The following RAB11A variants were observed in gnomAD, a reference collection of about 807,000 sequenced individuals.
RAB11A encodes RAB11A, member RAS oncogene family.
RAB11A carries 9 observed loss-of-function variants against 28.0 expected under a neutral mutation model. That is an observed-to-expected ratio of 0.32 (90% CI 0.19 to 0.56). The LOEUF (loss-of-function observed/expected upper bound fraction) is 0.56, where lower values mean the gene tolerates loss of function less well. RAB11A is among the 20% of genes least tolerant of loss of function. The probability of loss-of-function intolerance (pLI) is 0.91; values close to 1 mark genes in which losing one functional copy is unlikely to be tolerated. For synonymous variants in RAB11A, 85 were observed against 88.2 expected (o/e 0.96, Z 0.20); for missense variants, 108 against 269.6 (o/e 0.40, Z 4.20).
Position 65,888,717 on chromosome 15 carries a change from C to G in RAB11A, c.*877C>G, listed in dbSNP as rs1281510411. 1 of 152,574 alleles carries G rather than the reference C, an allele frequency of 6.6e-6. No individual in the cohort carries two copies. The highest frequency in any genetic ancestry group is 6.5e-5 in the Admixed American group (1 of 15,282). The allele number at this position is 152,574 out of a possible 1,614,324, so 9.5% of individuals were successfully genotyped here. ...TCAAATTTTGAAGTGTTAATTTTGT[C>G]TTAGAACCTTCCAGTAAGTGAAATA... is the stretch of plus-strand genomic sequence containing the variant. On this transcript the variant is annotated 3_prime_UTR_variant, in exon 5 of 5. Coordinates refer to ENST00000261890, the MANE Select transcript of RAB11A (RefSeq NM_004663.5).
intron 4 of RAB11A, among the ~76,000 whole-genome samples, chr15:65,881,509 C>G (rs1456554995): frequency 1.3e-5 from 2 of 152,142 alleles, no homozygotes. Context: ...TTTAGACAGT[C>G]CTCATTGTTG....
At chr15:65,872,968 A>G (rs1317785854) in intron 1 of RAB11A, among the ~76,000 whole-genome samples, 3 of 152,162 alleles carry the variant, frequency 2.0e-5, no homozygotes, top group South Asian at 2.1e-4. Context: ...AGTTGAGGGA[A>G]TTGGAGTTAG....
intron 4 of RAB11A, among the ~76,000 whole-genome samples, chr15:65,884,060 A>G (rs189748925): frequency 1.3e-3 from 195 of 152,162 alleles, no homozygotes; most frequent in African/African-American, 4.5e-3. Context: ...GCTAAAATTT[A>G]TGTCTGAGAA....
In RAB11A at chr15:65,869,570, G is replaced by A. The variant is rs377484409; in HGVS notation, c.-16G>A. 5 of 1,609,846 alleles carry A rather than the reference G, an allele frequency of 3.1e-6. No individual in the cohort carries two copies. Among genetic ancestry groups the A allele is most frequent in the African/African-American group, 1.3e-5 (1 of 74,906 alleles). On this transcript the variant is annotated 5_prime_UTR_variant, in exon 1 of 5. Transcript: ENST00000261890. ...ATACCACTGCTGCTCCCGCCCTTTC[G>A]CTCCTCGGCCGCGCAATGGGCACCC...
In RAB11A at chr15:65,888,616, A is replaced by C. The variant is rs376968677; in HGVS notation, c.*776A>C. ...TCAGGCAGCCCAAAAGATTTAAATG[A>C]TCTATAATAATTTCCAAGCGGTAGA... On this transcript the variant is annotated 3_prime_UTR_variant, in exon 5 of 5. Coordinates refer to ENST00000261890, the MANE Select transcript of RAB11A (RefSeq NM_004663.5). 3.3e-5 allele frequency: 5 copies of C among 152,374 alleles called. No homozygotes were observed. In the East Asian group the frequency reaches 9.6e-4, roughly 29 times the overall value. The allele number at this position is 152,374 out of a possible 1,614,324, so 9.4% of individuals were successfully genotyped here.
At chr15:65,874,937 A>G (rs546536566) in intron 1 of RAB11A, among the ~76,000 whole-genome samples, 2 of 152,274 alleles carry the variant, frequency 1.3e-5, no homozygotes, top group South Asian at 2.1e-4. Flanking sequence ...AGTTCCAGCT[A>G]CTAGGGAGGC....
At chr15:65,885,708 T>C (rs1160716134) in intron 4 of RAB11A, among the ~76,000 whole-genome samples, 2 of 152,248 alleles carry the variant, frequency 1.3e-5, no homozygotes, top group East Asian at 3.8e-4. Flanking sequence ...GTAGGAGATC[T>C]AAATAGAAAC....
chr15:65,869,577 G>C lies in RAB11A; in HGVS notation c.-9G>C. 6.2e-7 allele frequency: 1 copy of C among 1,610,668 alleles called. No individual in the cohort carries two copies. Among genetic ancestry groups the C allele is most frequent in the South Asian group, 1.1e-5 (1 of 91,060 alleles). ...TGCTGCTCCCGCCCTTTCGCTCCTCGGCCGCGCAATGGGCACCCGCGACGA... is the reference window on the plus strand; with the variant it reads ...TGCTGCTCCCGCCCTTTCGCTCCTCCGCCGCGCAATGGGCACCCGCGACGA... On this transcript the variant is annotated 5_prime_UTR_variant, in exon 1 of 5. Transcript: ENST00000261890.
At chr15:65,873,903 A>G (rs1260374754) in intron 1 of RAB11A, among the ~76,000 whole-genome samples, 2 of 152,082 alleles carry the variant, frequency 1.3e-5, no homozygotes, top group African/African-American at 2.4e-5. Flanking sequence ...AACGCATTGT[A>G]TATTAAAAAC....
intron 1 of RAB11A, among the ~76,000 whole-genome samples, chr15:65,872,101 G>A (rs1043210785): frequency 2.6e-5 from 4 of 151,426 alleles, no homozygotes; most frequent in African/African-American, 9.7e-5. Context: ...CTACAGGAGC[G>A]CGCCACCACG....
intron 3 of RAB11A, among the ~76,000 whole-genome samples, chr15:65,878,706 A>G (rs951038530): frequency 3.3e-5 from 5 of 152,222 alleles, no homozygotes; most frequent in Admixed American, 2.0e-4. Context: ...AAACAAAAAA[A>G]GAGAGAAAGT....
At chr15:65,876,476 T>C (rs942634784) in intron 1 of RAB11A, among the ~76,000 whole-genome samples, 3 of 152,054 alleles carry the variant, frequency 2.0e-5, no homozygotes, top group Non-Finnish European at 4.4e-5. Flanking sequence ...TTTGTATTTT[T>C]ATAGAGATGG....
At chr15:65,881,877 TA>T (rs57352123) in intron 4 of RAB11A, among the ~76,000 whole-genome samples, 13,436 of 86,378 alleles carry the variant, frequency 0.16, 1,188 homozygotes, top group East Asian at 0.55. Context: ...ACCCTGTCTC[TA>T]AAAAAAAAAA....
rs532244772 is a variant in RAB11A at position 65,881,901 on chromosome 15, A to C, written c.511+2150A>C. 1.1e-4 allele frequency among the ~76,000 whole-genome samples: 15 copies of C among 138,722 alleles called. No homozygotes were observed. In the South Asian group the frequency reaches 2.1e-3, roughly 20 times the overall value. The allele number at this position is 138,722 out of a possible 152,430, so 91.0% of individuals were successfully genotyped here. A position where few individuals can be genotyped will look rare whatever the true frequency, so the allele number is the denominator to read the frequency against. On this transcript the variant is annotated intron_variant, in intron 4 of 4. Transcript: ENST00000261890. ...CTAAAAAAAAAAAAAAAAAAAAAAA[A>C]CACAAAAAAATTAGCCAGGCATGGT...
At chr15:65,885,154 G>A (rs1339281331) in intron 4 of RAB11A, among the ~76,000 whole-genome samples, 1 of 125,300 alleles carries the variant, frequency 8.0e-6, no homozygotes, top group Non-Finnish European at 1.6e-5. Flanking sequence ...TTTTTTTTGA[G>A]ACAGTGTGCT....
At chr15:65,878,332 T>C (rs1274257720) in intron 3 of RAB11A, among the ~76,000 whole-genome samples, 3 of 152,228 alleles carry the variant, frequency 2.0e-5, no homozygotes, top group African/African-American at 7.2e-5. Context: ...CACGTGTCTC[T>C]TGCCCCTGTT....
rs1349602585 is a variant in RAB11A, at chr15:65,891,447, G to C, written c.*3607G>C. 1 of 152,206 alleles carries C rather than the reference G, an allele frequency of 6.6e-6. No homozygotes were observed. The highest frequency in any genetic ancestry group is 1.9e-4 in the East Asian group (1 of 5,204). 9.4% of individuals were successfully genotyped at this position (152,206 alleles called of 1,614,324 possible). ...ACTGTGGGTTAGAAGAGTGAAAGTA[G>C]CTGGTATGATAGAGCACTGGACTGA... is the stretch of plus-strand genomic sequence containing the variant. On this transcript the variant is annotated 3_prime_UTR_variant, in exon 5 of 5. Coordinates refer to ENST00000261890, the MANE Select transcript of RAB11A (RefSeq NM_004663.5).
rs2078269025 is a variant in RAB11A, at chr15:65,888,725, C to T, written c.*885C>T. ...TGAAGTGTTAATTTTGTCTTAGAAC[C>T]TTCCAGTAAGTGAAATACAACCTAG... On this transcript the variant is annotated 3_prime_UTR_variant, in exon 5 of 5. Transcript: ENST00000261890. The T allele has an allele frequency of 1.3e-5, 2 of 152,538 alleles. No homozygotes were observed. The highest frequency in any genetic ancestry group is 3.8e-4 in the East Asian group (2 of 5,198). 9.4% of individuals were successfully genotyped at this position (152,538 alleles called of 1,614,324 possible). A position where few individuals can be genotyped will look rare whatever the true frequency, so the allele number is the denominator to read the frequency against.
intron 1 of RAB11A, among the ~76,000 whole-genome samples, chr15:65,876,731 G>A (rs369441677): frequency 2.0e-4 from 30 of 152,076 alleles, no homozygotes; most frequent in African/African-American, 6.3e-4. Context: ...AACTATTAAA[G>A]GTCATTTTAG....
Sources: gnomAD v4.1 joint callset for allele counts (sites outside exome capture counted in the v4.1 genomes callset) on GRCh38, gnomAD v4.1.1 for gene constraint, MANE v1.5 for transcripts, NCBI Gene and HGNC (gene_info 2026-07-23, HGNC 2026-07-21) for gene names.